The following TSPAN13 variants were observed in gnomAD, a reference collection of about 807,000 sequenced individuals.
TSPAN13 encodes the protein tetraspanin-13.
TSPAN13 carries 18 observed loss-of-function variants against 26.9 expected under a neutral mutation model. The ratio of observed to expected loss-of-function variants is 0.67; its 90% CI spans 0.46 to 0.99. The LOEUF (loss-of-function observed/expected upper bound fraction) is 0.99. Ranked by LOEUF, TSPAN13 falls within the 50% of genes least tolerant of loss-of-function variation. The pLI, the probability that TSPAN13 is intolerant of heterozygous loss-of-function variation, is 0.00. For missense variants in TSPAN13, 201 were observed against 249.6 expected, an observed-to-expected ratio of 0.81 and a Z score of 1.31; for synonymous variants, 116 against 98.4, an observed-to-expected ratio of 1.18 and a Z score of -1.06.
In TSPAN13 at chr7:16,781,811, G is replaced by A. The variant is rs545985924; in HGVS notation, c.541-1606G>A. On this transcript the variant is annotated intron_variant, in intron 5 of 5. Transcript: ENST00000262067. ...GGGGAGCTTTGGCAAGTGATATTTG[G>A]GCAGGTTGAGGTGGGGCGGGGGGAC... 1.2e-4 allele frequency among the ~76,000 whole-genome samples: 18 copies of A among 152,254 alleles called. No individual in the cohort carries two copies. In the South Asian group the frequency reaches 3.7e-3, roughly 32 times the overall value.
intron 1 of TSPAN13, among the ~76,000 whole-genome samples, chr7:16,767,250 A>G (rs1433987580): frequency 1.3e-5 from 2 of 152,236 alleles, no homozygotes; most frequent in African/African-American, 4.8e-5. Context: ...TGACAATGTC[A>G]TATATTATAT....
chr7:16,754,519 G>C (rs572452703), intron 1 of TSPAN13, among the ~76,000 whole-genome samples: 1 of 152,280 alleles, frequency 6.6e-6, no homozygotes. Context: ...GGTACCCTCG[G>C]GATTTTAATT....
At position 16,783,660 on chromosome 7, in the gene TSPAN13, TTCC is replaced by T. The variant is rs1784839508; in HGVS notation, c.*170_*172del. 1.5e-6 allele frequency: 1 copy of T among 661,418 alleles called. No homozygotes were observed. The highest frequency in any genetic ancestry group is 2.5e-6 in the Non-Finnish European group (1 of 396,946). 41.0% of individuals were successfully genotyped at this position (661,418 alleles called of 1,614,324 possible). On this transcript the variant is annotated 3_prime_UTR_variant, in exon 6 of 6. Coordinates refer to ENST00000262067, the MANE Select transcript of TSPAN13 (RefSeq NM_014399.4). ...TATGTTTCTCTACATGTTTTTTTCT[TTCC>T]GTTGCTGAAAAATATTTGAAACTTG... is the stretch of plus-strand genomic sequence containing the variant.
At chr7:16,779,360 A>T (rs746399650) in intron 5 of TSPAN13, among the ~76,000 whole-genome samples, 10 of 152,190 alleles carry the variant, frequency 6.6e-5, no homozygotes, top group African/African-American at 1.2e-4. Context: ...GTGAGATTAG[A>T]TTGAATTATC....
chr7:16,783,294 C>T (rs1784833513), intron 5 of TSPAN13, 123 bp from the exon 6 acceptor site: 2 of 928,984 alleles, frequency 2.2e-6, no homozygotes, highest in Non-Finnish European at 1.6e-6. Context: ...AAAAATCTCT[C>T]CCCGTTGAAC....
At chr7:16,782,445 A>G (rs1414209301) in intron 5 of TSPAN13, among the ~76,000 whole-genome samples, 1 of 152,268 alleles carries the variant, frequency 6.6e-6, no homozygotes, top group African/African-American at 2.4e-5. Flanking sequence ...AGTGGGAGAT[A>G]CAGTTTAAAA....
chr7:16,778,981 T>G, intron 4 of TSPAN13, 22 bp from the exon 5 acceptor site: 2 of 1,540,234 alleles, frequency 1.3e-6, no homozygotes, highest in South Asian at 1.2e-5. Context: ...AAATAAAGGT[T>G]TTTTTACTTT....
At chr7:16,754,143 C>G in intron 1 of TSPAN13, 113 bp downstream of exon 1, 1 of 999,346 alleles carries the variant, frequency 1.0e-6, no homozygotes, top group East Asian at 3.1e-5. Flanking sequence ...GCCCCCTTCC[C>G]GGCTTCCCAC....
At position 16,777,888 on chromosome 7, in the gene TSPAN13, A is replaced by C. The variant is rs1393822134; in HGVS notation, c.403A>C (p.Asn135His). The C allele has an allele frequency of 6.2e-7, 1 of 1,613,444 alleles. No individual in the cohort carries two copies. The highest frequency in any genetic ancestry group is 8.5e-7 in the Non-Finnish European group (1 of 1,179,572). Residue 135 changes from asparagine to histidine, a missense_variant, in exon 4 of 6, where the codon AAC becomes CAC. By Grantham distance (68) the Asn-to-His change is moderately conservative. Coordinates refer to ENST00000262067, the MANE Select transcript of TSPAN13 (RefSeq NM_014399.4). Reference protein sequence around the residue: ...NLNCCGFRSVNPNDTCLASCV... With the variant: ...NLNCCGFRSVHPNDTCLASCV... ...AAACTGCTGTGGGTTCCGAAGTGTT[A>C]ACCCAAATGACACCTGTCTGGCTGT...
chr7:16,773,279 C>T (rs1583793065), intron 1 of TSPAN13, among the ~76,000 whole-genome samples: 1 of 149,978 alleles, frequency 6.7e-6, no homozygotes. Flanking sequence ...CCAGATCCAT[C>T]TCATTGACTA....
Position 16,776,296 on chromosome 7 carries a change from T to C in TSPAN13, c.149T>C (p.Ile50Thr). The C allele has an allele frequency of 6.2e-7, 1 of 1,614,198 alleles. No homozygotes were observed. The highest frequency in any genetic ancestry group is 1.1e-5 in the South Asian group (1 of 91,080). Residue 50 changes from isoleucine to threonine, a missense_variant, in exon 2 of 6, where the codon ATT becomes ACT. By Grantham distance (89) the Ile-to-Thr change is moderately conservative (BLOSUM62 -1). Coordinates refer to ENST00000262067, the MANE Select transcript of TSPAN13 (RefSeq NM_014399.4). ...ISSLRVVGVVIAVGIFLFLIA... is the reference protein window; with the variant it reads ...ISSLRVVGVVTAVGIFLFLIA... ...AGTCTCCGAGTGGTCGGCGTGGTCA[T>C]TGCAGTGGGCATCTTCTTGTTCCTG... is the stretch of plus-strand genomic sequence containing the variant.
intron 1 of TSPAN13, among the ~76,000 whole-genome samples, chr7:16,765,815 A>G (rs1784598216): frequency 6.6e-6 from 1 of 152,198 alleles, no homozygotes; most frequent in South Asian, 2.1e-4. Flanking sequence ...TCATAAGGAA[A>G]CTGTTATTAT....
At chr7:16,755,888 C>T (rs753129756) in intron 1 of TSPAN13, among the ~76,000 whole-genome samples, 8 of 152,088 alleles carry the variant, frequency 5.3e-5, no homozygotes, top group Non-Finnish European at 1.0e-4. Context: ...AATATCTATT[C>T]TAAATTATTG....
intron 1 of TSPAN13, 43 bp from the exon 2 acceptor site, chr7:16,776,168 C>G (rs970086768): frequency 6.3e-7 from 1 of 1,587,806 alleles, no homozygotes; most frequent in African/African-American, 1.3e-5. Context: ...ATTCTCTCTC[C>G]TCTCTCTCGT....
At chr7:16,773,170 G>T (rs1416728518) in intron 1 of TSPAN13, among the ~76,000 whole-genome samples, 7 of 150,934 alleles carry the variant, frequency 4.6e-5, no homozygotes, top group Non-Finnish European at 7.4e-5. Context: ...ATCTTGGGGG[G>T]GGGCGGTTAG....
At position 16,778,919 on chromosome 7, in the gene TSPAN13, C is replaced by T. The variant is rs567243094; in HGVS notation, c.427-84C>T. The T allele has an allele frequency of 6.8e-4, 654 of 961,730 alleles. 3 individuals are homozygous for T. The highest frequency in any genetic ancestry group is 6.7e-5 in the Non-Finnish European group (43 of 644,338). 59.6% of individuals were successfully genotyped at this position (961,730 alleles called of 1,614,324 possible). The stretch of plus-strand genomic sequence containing the variant: ...TCAAATTGGATATAATACTCTTAGA[C>T]ACTAATTTTGTGTGTATGCAGTTTT... On this transcript the variant is annotated intron_variant, in intron 4 of 5. Transcript: ENST00000262067.
At chr7:16,754,159 C>CGCGCCCCCGGCCTCACCAT in intron 1 of TSPAN13, 129 bp downstream of exon 1, 1 of 940,746 alleles carries the variant, frequency 1.1e-6, no homozygotes, top group Admixed American at 2.1e-5. Flanking sequence ...CCCACGTCTG[C>CGCGCCCCCGGCCTCACCAT]GCGCCCCCGG....
At chr7:16,779,454 TTAATA>T (rs895387865) in intron 5 of TSPAN13, among the ~76,000 whole-genome samples, 19 of 152,114 alleles carry the variant, frequency 1.2e-4, no homozygotes, top group African/African-American at 4.6e-4. Context: ...TTCACATTGT[TTAATA>T]TGTATGTTAA....
intron 1 of TSPAN13, among the ~76,000 whole-genome samples, chr7:16,764,225 C>T (rs1380912557): frequency 1.3e-5 from 2 of 150,288 alleles, no homozygotes; most frequent in Non-Finnish European, 3.0e-5. Flanking sequence ...GATGGGGTTT[C>T]ACCATGCTGG....
Sources: allele counts gnomAD v4.1 joint callset (sites outside exome capture counted in the v4.1 genomes callset), GRCh38; gene constraint gnomAD v4.1.1; transcripts MANE v1.5; gene names NCBI Gene and HGNC (gene_info 2026-07-23, HGNC 2026-07-21).